FOCAD: variants seen among roughly 807,000 people sequenced by gnomAD.
FOCAD encodes focadhesin, also known as KIAA1797.
A neutral mutation model predicts 225.6 loss-of-function variants in FOCAD; 198 were observed. That is an observed-to-expected ratio of 0.88 (90% CI 0.78 to 0.99). The LOEUF (loss-of-function observed/expected upper bound fraction) is 0.99, where lower values mean the gene tolerates loss of function less well. Among genes scored for constraint, FOCAD ranks in the 50% least tolerant of loss-of-function variants. FOCAD has a pLI of 0.00. For synonymous variants in FOCAD, 897 were observed against 755.0 expected (o/e 1.19, Z -3.08); for missense variants, 2,713 against 2,123.6 (o/e 1.28, Z -5.46).
intron 2 of FOCAD, among the ~76,000 whole-genome samples, chr9:20,659,081 G>T (rs1165116323): frequency 6.6e-6 from 1 of 152,152 alleles, no homozygotes; most frequent in Non-Finnish European, 1.5e-5. Flanking sequence ...TTAGCTGGCT[G>T]TGGTGGTGTG....
intron 35 of FOCAD, among the ~76,000 whole-genome samples, chr9:20,963,096 T>G (rs528905854): frequency 6.6e-6 from 1 of 152,204 alleles, no homozygotes; most frequent in East Asian, 1.9e-4. Flanking sequence ...TCATTCCAGT[T>G]AGTGTCTGAA....
chr9:20,923,609 C>G, intron 24 of FOCAD, 51 bp from the exon 25 acceptor site: 1 of 1,431,318 alleles, frequency 7.0e-7, no homozygotes. Flanking sequence ...TCTTTCTCTT[C>G]TTCTGGTTAA....
chr9:20,924,185 C>T (rs1270119959), intron 25 of FOCAD, among the ~76,000 whole-genome samples: 1 of 152,184 alleles, frequency 6.6e-6, no homozygotes, highest in Non-Finnish European at 1.5e-5. Context: ...TTTTGCAAGG[C>T]AGTTATTTCT....
intron 15 of FOCAD, among the ~76,000 whole-genome samples, chr9:20,833,080 T>C (rs1004883018): frequency 2.6e-5 from 4 of 152,094 alleles, no homozygotes; most frequent in Non-Finnish European, 5.9e-5. Flanking sequence ...TAAGAACCTC[T>C]ATACTGTTTT....
Position 20,818,227 on chromosome 9 carries a change from T to G in FOCAD, c.1456-1569T>G, listed in dbSNP as rs560214809. On this transcript the variant is annotated intron_variant, in intron 11 of 43. Transcript: ENST00000338382. ...TTTGCCTATTTTAAAACCTTTTTTT[T>G]GGGTAAATTATTGGGTTTTAAGAGT... Among the ~76,000 whole-genome samples the G allele has an allele frequency of 3.9e-5, 6 of 152,260 alleles. 1 individual carries two copies. In the South Asian group the frequency reaches 8.3e-4, roughly 21 times the overall value.
intron 12 of FOCAD, 151 bp downstream of exon 12, chr9:20,820,051 T>C: frequency 1.9e-6 from 1 of 521,118 alleles, no homozygotes; most frequent in Admixed American, 3.8e-5. Flanking sequence ...AAGACAAAAG[T>C]ATTTATTACA....
At chr9:20,679,121 ATG>A (rs539231126) in intron 2 of FOCAD, among the ~76,000 whole-genome samples, 12,508 of 121,556 alleles carry the variant, frequency 0.1, 516 homozygotes, top group Admixed American at 0.15. Context: ...CAGTCTGTGT[ATG>A]TGTGTGTGTG....
intron 11 of FOCAD, among the ~76,000 whole-genome samples, chr9:20,799,341 T>A (rs1019141695): frequency 6.6e-6 from 1 of 152,122 alleles, no homozygotes; most frequent in Non-Finnish European, 1.5e-5. Flanking sequence ...GGGGTGGAGA[T>A]TTCTGTAGAT....
chr9:20,849,868 AAT>A (rs1316317534), intron 15 of FOCAD, among the ~76,000 whole-genome samples: 1 of 151,878 alleles, frequency 6.6e-6, no homozygotes, highest in Admixed American at 6.6e-5. Flanking sequence ...TCTACTTGTA[AAT>A]CTTTCTTAGT....
chr9:20,805,519 A>AT (rs200239926), intron 11 of FOCAD, among the ~76,000 whole-genome samples: 13 of 149,976 alleles, frequency 8.7e-5, no homozygotes, highest in Admixed American at 2.0e-4. Flanking sequence ...AATTTGGATA[A>AT]TTTTTTTTTT....
At chr9:20,684,250 A>C (rs1020039952), upstream of FOCAD, 3 of 152,454 alleles carry the variant, frequency 2.0e-5, no homozygotes, top group Admixed American at 6.5e-5. Context: ...GGGGCGGGCC[A>C]CGTCAGGCAG....
intron 11 of FOCAD, among the ~76,000 whole-genome samples, chr9:20,800,220 G>C (rs550890716): frequency 6.6e-6 from 1 of 152,276 alleles, no homozygotes; most frequent in East Asian, 1.9e-4. Context: ...GAGATCAGCT[G>C]TTAGTCTGAT....
intron 3 of FOCAD, among the ~76,000 whole-genome samples, chr9:20,718,914 C>T (rs1408639341): frequency 6.6e-6 from 1 of 152,112 alleles, no homozygotes; most frequent in Non-Finnish European, 1.5e-5. Context: ...TTGATATTGT[C>T]AGTACAGCTG....
At chr9:20,672,634 A>T (rs1822102005) in intron 2 of FOCAD, among the ~76,000 whole-genome samples, 1 of 152,194 alleles carries the variant, frequency 6.6e-6, no homozygotes, top group African/African-American at 2.4e-5. Context: ...TATTTTTAGT[A>T]GAGACAGGGT....
At chr9:20,832,615 T>C (rs1242954550) in intron 15 of FOCAD, among the ~76,000 whole-genome samples, 8 of 152,002 alleles carry the variant, frequency 5.3e-5, no homozygotes, top group South Asian at 4.1e-4. Flanking sequence ...AGTCACTCAA[T>C]TGTGCTATAA....
At chr9:20,946,952 C>G in intron 30 of FOCAD, 132 bp downstream of exon 30, 1 of 1,164,252 alleles carries the variant, frequency 8.6e-7, no homozygotes, top group South Asian at 1.6e-5. Context: ...TCTAACTATT[C>G]TCTTTTCTCA....
chr9:20,934,936 C>T (rs926340107), intron 28 of FOCAD, among the ~76,000 whole-genome samples: 8 of 151,946 alleles, frequency 5.3e-5, no homozygotes, highest in African/African-American at 1.9e-4. Flanking sequence ...AAGACCTCTG[C>T]AAGGAAAACT....
At chr9:20,823,155 A>G (rs1448471670) in intron 15 of FOCAD, 40 bp downstream of exon 15, 2 of 1,580,870 alleles carry the variant, frequency 1.3e-6, no homozygotes, top group African/African-American at 2.7e-5. Context: ...TTTGAAGAAA[A>G]TCTTTTATAA....
At chr9:20,888,991 C>T (rs542503425) in intron 21 of FOCAD, among the ~76,000 whole-genome samples, 30 of 152,258 alleles carry the variant, frequency 2.0e-4, no homozygotes, top group African/African-American at 7.0e-4. Context: ...GATACATATA[C>T]CATAAAATTT....
Sources: allele counts gnomAD v4.1 joint callset (sites outside exome capture counted in the v4.1 genomes callset), GRCh38; gene constraint gnomAD v4.1.1; transcripts MANE v1.5; gene names NCBI Gene and HGNC (gene_info 2026-07-23, HGNC 2026-07-21).